Variants in PDE1C observed in about 807,000 individuals in gnomAD.
PDE1C encodes the protein phosphodiesterase 1C.
Under a neutral mutation model 93.1 loss-of-function variants are expected in PDE1C, and 62 were observed. The ratio of observed to expected loss-of-function variants is 0.67; its 90% CI spans 0.54 to 0.82. The LOEUF (loss-of-function observed/expected upper bound fraction) is 0.82. Ranked by LOEUF, PDE1C falls within the 40% of genes least tolerant of loss-of-function variation. The pLI is 0.00. For synonymous variants in PDE1C, 325 were observed against 310.1 expected, an observed-to-expected ratio of 1.05 and a Z score of -0.50; for missense variants, 742 against 884.6, an observed-to-expected ratio of 0.84 and a Z score of 2.04.
In PDE1C at chr7:32,382,142, C is replaced by T. The variant is rs192033674; in HGVS notation, c.310+45680G>A. Among the ~76,000 whole-genome samples the T allele has an allele frequency of 6.2e-4, 95 of 152,256 alleles. 1 individual carries two copies. In the East Asian group the frequency reaches 7.7e-3, roughly 12 times the overall value. ...CAGGATTTGAACCCAGGCAGCATGG[C>T]CCAGCACCTGCTCTCTTAACCACTA... On this transcript the variant is annotated intron_variant, in intron 1 of 1. Coordinates refer to the PDE1C transcript ENST00000672256.
At chr7:32,183,897 A>T (rs921496282) in intron 2 of PDE1C, among the ~76,000 whole-genome samples, 1 of 152,150 alleles carries the variant, frequency 6.6e-6, no homozygotes, top group Non-Finnish European at 1.5e-5. Context: ...TTCCCAACCT[A>T]CTCATCTGAC....
At chr7:31,676,608 G>A in the PDE1C span, among the ~76,000 whole-genome samples, 1 of 151,648 alleles carries the variant, frequency 6.6e-6, no homozygotes, top group Non-Finnish European at 1.5e-5. Context: ...TGTGGGTGTG[G>A]GTGTGTGTGT....
At chr7:31,673,120 T>C in the PDE1C span, among the ~76,000 whole-genome samples, 121 of 152,322 alleles carry the variant, frequency 7.9e-4, 1 homozygote, top group African/African-American at 2.8e-3. Context: ...CAGGTATTTC[T>C]TTATAGCAGT....
chr7:31,913,372 T>C (rs1226795476), intron 2 of PDE1C, among the ~76,000 whole-genome samples: 1 of 152,012 alleles, frequency 6.6e-6, no homozygotes, highest in Non-Finnish European at 1.5e-5. Flanking sequence ...ACGGAGGTTA[T>C]GTCTGGCTCC....
chr7:31,656,543 G>A, the PDE1C span: 1 of 916,720 alleles, frequency 1.1e-6, no homozygotes, highest in East Asian at 1.2e-4. Flanking sequence ...TGTTAGCAAA[G>A]TACTTTATGC....
At chr7:31,731,268 C>T in the PDE1C span, among the ~76,000 whole-genome samples, 1 of 152,150 alleles carries the variant, frequency 6.6e-6, no homozygotes, top group African/African-American at 2.4e-5. Flanking sequence ...GTGTAGGTGC[C>T]AAAGTGGGGC....
the PDE1C span, among the ~76,000 whole-genome samples, chr7:31,639,020 G>T: frequency 6.6e-6 from 1 of 152,080 alleles, no homozygotes; most frequent in Non-Finnish European, 1.5e-5. Context: ...CAGGTGATCT[G>T]CCTGCCTCGG....
intron 11 of PDE1C, among the ~76,000 whole-genome samples, chr7:31,830,960 G>A (rs1238729876): frequency 6.6e-6 from 1 of 152,136 alleles, no homozygotes; most frequent in Non-Finnish European, 1.5e-5. Flanking sequence ...ATACATTTGG[G>A]GGTAGCTATA....
chr7:31,985,379 T>C (rs1474104450), intron 2 of PDE1C, among the ~76,000 whole-genome samples: 1 of 151,172 alleles, frequency 6.6e-6, no homozygotes, highest in Non-Finnish European at 1.5e-5. Flanking sequence ...TCTTTTTATC[T>C]CCAAGAAAAA....
At chr7:32,012,724 A>G (rs947892041) in intron 2 of PDE1C, among the ~76,000 whole-genome samples, 5 of 152,190 alleles carry the variant, frequency 3.3e-5, no homozygotes, top group Non-Finnish European at 7.3e-5. Context: ...GTCAAAACTT[A>G]TTATACACTT....
intron 2 of PDE1C, among the ~76,000 whole-genome samples, chr7:32,205,702 A>T (rs562031753): frequency 6.6e-6 from 1 of 152,118 alleles, no homozygotes; most frequent in Non-Finnish European, 1.5e-5. Flanking sequence ...TTAGGTCTGC[A>T]CTACCTTTAT....
intron 2 of PDE1C, among the ~76,000 whole-genome samples, chr7:32,189,931 C>A (rs1028371866): frequency 6.6e-6 from 1 of 152,176 alleles, no homozygotes; most frequent in Non-Finnish European, 1.5e-5. Flanking sequence ...ACTTTTGTAT[C>A]TACTTCTAAG....
At chr7:31,688,611 T>C in the PDE1C span, among the ~76,000 whole-genome samples, 1 of 152,258 alleles carries the variant, frequency 6.6e-6, no homozygotes. Context: ...TAACAATCCC[T>C]GTGTATTGTG....
intron 1 of PDE1C, among the ~76,000 whole-genome samples, chr7:32,339,912 C>T (rs1783715226): frequency 6.6e-6 from 1 of 152,112 alleles, no homozygotes; most frequent in Admixed American, 6.6e-5. Context: ...ATGAGCCTTG[C>T]TGGCATGGTT....
intron 1 of PDE1C, among the ~76,000 whole-genome samples, chr7:32,407,316 A>C (rs192665046): frequency 3.9e-5 from 6 of 152,110 alleles, no homozygotes; most frequent in African/African-American, 1.4e-4. Context: ...AAAAGTTGTC[A>C]ATTGTGTTAT....
intron 2 of PDE1C, among the ~76,000 whole-genome samples, chr7:31,883,468 A>G (rs1490717483): frequency 6.6e-6 from 1 of 152,254 alleles, no homozygotes; most frequent in Admixed American, 6.5e-5. Context: ...CATGAAAATG[A>G]GCTGACACGT....
At chr7:31,881,087 T>C (rs1797196844) in intron 2 of PDE1C, among the ~76,000 whole-genome samples, 1 of 152,254 alleles carries the variant, frequency 6.6e-6, no homozygotes, top group African/African-American at 2.4e-5. Flanking sequence ...CTGACCATAC[T>C]TTCTAGCTAG....
intron 1 of PDE1C, among the ~76,000 whole-genome samples, chr7:32,056,678 A>G (rs1213204053): frequency 1.3e-5 from 2 of 152,226 alleles, no homozygotes; most frequent in East Asian, 1.9e-4. Context: ...GAAATGCTCA[A>G]GCGTCAGCTA....
intron 2 of PDE1C, among the ~76,000 whole-genome samples, chr7:31,944,204 G>A (rs527895011): frequency 2.0e-5 from 3 of 152,284 alleles, no homozygotes; most frequent in Admixed American, 2.0e-4. Context: ...AGTTCTTTCA[G>A]GGTCGTCCTC....
Sources: allele counts gnomAD v4.1 joint callset (sites outside exome capture counted in the v4.1 genomes callset), GRCh38; gene constraint gnomAD v4.1.1; transcripts MANE v1.5; gene names NCBI Gene and HGNC (gene_info 2026-07-23, HGNC 2026-07-21).